DLG2: variants seen among roughly 807,000 people sequenced by gnomAD.
DLG2 encodes disks large homolog 2.
A neutral mutation model predicts 132.5 loss-of-function variants in DLG2; 45 were observed. That is an observed-to-expected ratio of 0.34 (90% confidence interval 0.27 to 0.44). DLG2 has a LOEUF of 0.44. Ranked by LOEUF, DLG2 falls within the 20% of genes least tolerant of loss-of-function variation. The pLI is 1.00. For synonymous variants in DLG2, 424 were observed against 419.6 expected (o/e 1.01, Z -0.13); for missense variants, 1,045 against 1,196.9 (o/e 0.87, Z 1.87).
At chr11:84,245,711 C>T (rs2097293875) in intron 8 of DLG2, among the ~76,000 whole-genome samples, 1 of 152,184 alleles carries the variant, frequency 6.6e-6, no homozygotes, top group Non-Finnish European at 1.5e-5. Flanking sequence ...ATTCACTCTC[C>T]CTATCAGTTG....
At chr11:84,069,044 A>C (rs113572875) in intron 10 of DLG2, among the ~76,000 whole-genome samples, 8 of 152,330 alleles carry the variant, frequency 5.3e-5, no homozygotes, top group African/African-American at 1.7e-4. Flanking sequence ...AACAAAATCT[A>C]GATCAATCTT....
chr11:83,648,856 T>A (rs1342001552), intron 18 of DLG2, among the ~76,000 whole-genome samples: 2 of 152,128 alleles, frequency 1.3e-5, no homozygotes, highest in East Asian at 3.9e-4. Flanking sequence ...GCACAGGAGC[T>A]CTCTGTACAT....
chr11:85,470,939 G>A (rs1010844584), intron 3 of DLG2, among the ~76,000 whole-genome samples: 5 of 152,112 alleles, frequency 3.3e-5, no homozygotes, highest in African/African-American at 9.7e-5. Context: ...AAATCCAGAC[G>A]CAACTGTCTT....
At chr11:85,062,270 T>C (rs1039350215) in intron 6 of DLG2, among the ~76,000 whole-genome samples, 4 of 151,722 alleles carry the variant, frequency 2.6e-5, no homozygotes, top group African/African-American at 9.7e-5. Context: ...ATCAATGCAA[T>C]AGTTGAAAAA....
intron 11 of DLG2, among the ~76,000 whole-genome samples, chr11:83,989,633 C>G (rs899421831): frequency 3.9e-5 from 6 of 152,180 alleles, no homozygotes; most frequent in African/African-American, 1.4e-4. Context: ...ACCAACATGT[C>G]TTCAGATTCC....
intron 14 of DLG2, among the ~76,000 whole-genome samples, chr11:83,951,728 A>G (rs2085493558): frequency 6.6e-6 from 1 of 152,212 alleles, no homozygotes; most frequent in African/African-American, 2.4e-5. Context: ...CAAATCATAA[A>G]GAGTCTCATA....
At chr11:84,597,021 G>T (rs1429807124) in intron 6 of DLG2, among the ~76,000 whole-genome samples, 1 of 152,090 alleles carries the variant, frequency 6.6e-6, no homozygotes. Flanking sequence ...AGGAGTTCAA[G>T]ACTAGCCTGG....
Position 85,457,809 on chromosome 11 carries a change from G to T in DLG2, c.40+140848C>A, listed in dbSNP as rs535456441. Among the ~76,000 whole-genome samples the T allele has an allele frequency of 4.6e-5, 7 of 152,208 alleles. No individual in the cohort carries two copies. In the South Asian group the frequency reaches 1.2e-3, roughly 27 times the overall value. On this transcript the variant is annotated intron_variant, in intron 3 of 27. Coordinates refer to ENST00000376104, the MANE Select transcript of DLG2 (RefSeq NM_001142699.3). Reference sequence around the variant, plus strand: ...GGTTTCTGCTGAAAGGTCCACTGTTGACCTGATGGGATTTCCTTTCTAGAT... The same window carrying T: ...GGTTTCTGCTGAAAGGTCCACTGTTTACCTGATGGGATTTCCTTTCTAGAT...
chr11:84,842,341 C>T (rs953825965), intron 6 of DLG2, among the ~76,000 whole-genome samples: 5 of 151,900 alleles, frequency 3.3e-5, no homozygotes, highest in Non-Finnish European at 7.4e-5. Context: ...GTAATTTATC[C>T]AGGGCCACCA....
chr11:85,487,716 C>T (rs1481431020), intron 3 of DLG2, among the ~76,000 whole-genome samples: 1 of 151,934 alleles, frequency 6.6e-6, no homozygotes, highest in African/African-American at 2.4e-5. Context: ...TTGGTAGTTC[C>T]AAGGGTGAAG....
chr11:84,634,300 C>T (rs891143777), intron 6 of DLG2, among the ~76,000 whole-genome samples: 3 of 152,172 alleles, frequency 2.0e-5, no homozygotes, highest in African/African-American at 7.2e-5. Context: ...GAGCCCCTGA[C>T]ACACATAAAG....
intron 7 of DLG2, among the ~76,000 whole-genome samples, chr11:84,391,487 A>ACAAC (rs1186354782): frequency 6.6e-6 from 1 of 152,162 alleles, no homozygotes; most frequent in African/African-American, 2.4e-5. Context: ...CATCTTTCCA[A>ACAAC]CAACCAGTCT....
chr11:85,454,228 A>G (rs529530952), intron 3 of DLG2, among the ~76,000 whole-genome samples: 1 of 151,500 alleles, frequency 6.6e-6, no homozygotes, highest in Non-Finnish European at 1.5e-5. Context: ...AGTTTTAATA[A>G]TGGCCAGTCT....
chr11:84,655,306 G>A lies in DLG2; in HGVS notation c.358-120575C>T, dbSNP rs533554040. The stretch of plus-strand genomic sequence containing the variant: ...TCCAGCTACTCAATTTCTACAGAGC[G>A]GCAAAAGCCTCAAGAGAATGCAAAC... On this transcript the variant is annotated intron_variant, in intron 6 of 27. Transcript: ENST00000376104. 2.6e-5 allele frequency among the ~76,000 whole-genome samples: 4 copies of A among 152,202 alleles called. No homozygotes were observed. In the South Asian group the frequency reaches 6.2e-4, roughly 24 times the overall value.
chr11:84,819,319 A>C (rs554342403), intron 6 of DLG2, among the ~76,000 whole-genome samples: 27 of 152,042 alleles, frequency 1.8e-4, no homozygotes, highest in African/African-American at 6.3e-4. Context: ...TCACAGAAAA[A>C]GCCAACTCTC....
At chr11:84,889,416 G>A (rs2088925529) in intron 6 of DLG2, among the ~76,000 whole-genome samples, 1 of 152,078 alleles carries the variant, frequency 6.6e-6, no homozygotes, top group African/African-American at 2.4e-5. Flanking sequence ...ACAAGATATG[G>A]GTGTTCCAAG....
chr11:83,666,943 C>T (rs376353879), intron 18 of DLG2, among the ~76,000 whole-genome samples: 1 of 152,168 alleles, frequency 6.6e-6, no homozygotes, highest in African/African-American at 2.4e-5. Flanking sequence ...ACTCTCATTC[C>T]AGCCCCATTT....
intron 6 of DLG2, among the ~76,000 whole-genome samples, chr11:84,885,770 C>T (rs1156426750): frequency 6.6e-6 from 1 of 152,014 alleles, no homozygotes; most frequent in African/African-American, 2.4e-5. Context: ...AACATTGACC[C>T]TTTTAGGATA....
intron 7 of DLG2, among the ~76,000 whole-genome samples, chr11:84,324,942 C>T (rs1360862318): frequency 6.6e-6 from 1 of 151,956 alleles, no homozygotes; most frequent in Non-Finnish European, 1.5e-5. Context: ...GAATTTTCTA[C>T]CTATAAGATC....
Sources: allele counts gnomAD v4.1 joint callset (sites outside exome capture counted in the v4.1 genomes callset), GRCh38; gene constraint gnomAD v4.1.1; transcripts MANE v1.5; gene names NCBI Gene and HGNC (gene_info 2026-07-23, HGNC 2026-07-21).